Variants in KIF13A observed in about 807,000 individuals in gnomAD.
The protein encoded by KIF13A is kinesin family member 13A.
Under a neutral mutation model 212.2 loss-of-function variants are expected in KIF13A, and 79 were observed. The observed-to-expected ratio is 0.37, with a 90% confidence interval of 0.31 to 0.45. The LOEUF is 0.45. Among genes scored for constraint, KIF13A ranks in the 20% least tolerant of loss-of-function variants. The pLI is 1.00. For missense variants in KIF13A, 1,901 were observed against 2,209.0 expected (o/e 0.86, Z 2.79); for synonymous variants, 789 against 808.6 (o/e 0.98, Z 0.41).
chr6:17,838,584 A>T lies in KIF13A; in HGVS notation c.831-1001T>A, dbSNP rs1027636436. 1.3e-5 allele frequency among the ~76,000 whole-genome samples: 2 copies of T among 152,228 alleles called. No homozygotes were observed. The highest frequency in any genetic ancestry group is 4.8e-5 in the African/African-American group (2 of 41,456). On this transcript the variant is annotated intron_variant, in intron 9 of 38. Coordinates refer to ENST00000259711, the MANE Select transcript of KIF13A (RefSeq NM_022113.6). The surrounding 1 kb of genome is among the most constrained non-coding windows in gnomAD (Gnocchi z 4.2). ...GGCTGTTAGAATTTTAATAACAGCC[A>T]TTACCACAGAGTGGCATAAATATGT...
intron 17 of KIF13A, among the ~76,000 whole-genome samples, chr6:17,810,707 T>C (rs1303373214): frequency 6.6e-6 from 1 of 152,192 alleles, no homozygotes; most frequent in Non-Finnish European, 1.5e-5. Flanking sequence ...TCTGGGGGTG[T>C]TGGTAGACAG....
chr6:17,849,357 T>G lies in KIF13A; in HGVS notation c.830+20A>C, dbSNP rs778125888. ...TCCAGAAGGAAATCACCCAGGCTGTTCTGGGACCAGCCACCTTACTTGTTA... is the reference window on the plus strand; with the variant it reads ...TCCAGAAGGAAATCACCCAGGCTGTGCTGGGACCAGCCACCTTACTTGTTA... On this transcript the variant is annotated intron_variant, in intron 9 of 38. Coordinates refer to ENST00000259711, the MANE Select transcript of KIF13A (RefSeq NM_022113.6). This position sits in a 1 kb window ranked among gnomAD's most constrained non-coding sequence, Gnocchi z 5.7. The G allele has an allele frequency of 6.4e-7, 1 of 1,566,482 alleles. No homozygotes were observed. Among genetic ancestry groups the G allele is most frequent in the Admixed American group, 1.7e-5 (1 of 58,784 alleles).
At chr6:17,936,833 C>T (rs545703883) in intron 2 of KIF13A, among the ~76,000 whole-genome samples, 1 of 152,188 alleles carries the variant, frequency 6.6e-6, no homozygotes, top group African/African-American at 2.4e-5. Context: ...AGTGTGTTTG[C>T]ATTCCTTTGA....
chr6:17,987,063 T>A lies in KIF13A; in HGVS notation c.137A>T (p.Gln46Leu). The change falls in exon 2 of 39, where the codon CAG becomes CTG. Residue 46 changes from glutamine to leucine, a missense_variant. Transcript: ENST00000259711. The surrounding 1 kb of genome is among the most constrained non-coding windows in gnomAD (Gnocchi z 7.7). ...TCGGAACCCGCTTTACCTTTCTCCC[T>A]GTTTGGTGTTAGAAGGAGGAGGGTG... ...VLHPPPSNTK[Q>L]GERKPPKVFA... is the part of the protein sequence containing the mutation. 5 of 1,612,652 alleles carry A rather than the reference T, an allele frequency of 3.1e-6. No homozygotes were observed. The highest frequency in any genetic ancestry group is 2.2e-5 in the South Asian group (2 of 91,038).
At chr6:17,884,643 T>C (rs1177569181) in intron 3 of KIF13A, among the ~76,000 whole-genome samples, 1 of 152,222 alleles carries the variant, frequency 6.6e-6, no homozygotes, top group Non-Finnish European at 1.5e-5. Context: ...CGCCCAAATC[T>C]AAAATCAAAA....
At position 17,877,949 on chromosome 6, in the gene KIF13A, C is replaced by T. The variant is rs112840066; in HGVS notation, c.160-4512G>A. 5.8e-3 allele frequency among the ~76,000 whole-genome samples: 887 copies of T among 152,324 alleles called. 6 individuals carry two copies. Among genetic ancestry groups the T allele is most frequent in the African/African-American group, 0.02 (841 of 41,566 alleles). On this transcript the variant is annotated intron_variant, in intron 3 of 38. Transcript: ENST00000259711. Reference sequence around the variant, plus strand: ...ATTCATTAATTCACTTATCCATTCACAAATATTTATTGAGTACCTATTGTG... The same window carrying T: ...ATTCATTAATTCACTTATCCATTCATAAATATTTATTGAGTACCTATTGTG...
intron 2 of KIF13A, among the ~76,000 whole-genome samples, chr6:17,958,799 A>G (rs1778561530): frequency 6.6e-6 from 1 of 151,778 alleles, no homozygotes; most frequent in Non-Finnish European, 1.5e-5. Context: ...ATTTTCATCT[A>G]CTACTTATTC....
chr6:17,772,175 C>G lies in KIF13A; in HGVS notation c.4325-116G>C, dbSNP rs1475229570. 1 of 982,056 alleles carries G rather than the reference C, an allele frequency of 1.0e-6. No homozygotes were observed. The highest frequency in any genetic ancestry group is 1.5e-6 in the Non-Finnish European group (1 of 657,098). 60.8% of individuals were successfully genotyped at this position (982,056 alleles called of 1,614,324 possible). A position where few individuals can be genotyped will look rare whatever the true frequency, so the allele number is the denominator to read the frequency against. On this transcript the variant is annotated intron_variant, in intron 36 of 38. Coordinates refer to ENST00000259711, the MANE Select transcript of KIF13A (RefSeq NM_022113.6). The surrounding 1 kb of genome is among the most constrained non-coding windows in gnomAD (Gnocchi z 4.8). ...CTGGGAGAACAATGAAATTCATAGG[C>G]TAATATTTGGCTAAGCATTAAAACA...
rs778505082 is a variant in KIF13A, at chr6:17,771,227, G to C, written c.4477-9C>G. ...TGAGGTGGAGGCATGCTCTGCAAAGGTTAAGACACACAGATGCATCACACA... is the reference window on the plus strand; with the variant it reads ...TGAGGTGGAGGCATGCTCTGCAAAGCTTAAGACACACAGATGCATCACACA... On this transcript the variant is annotated splice_polypyrimidine_tract_variant and intron_variant, in intron 37 of 38. Transcript: ENST00000259711. This position sits in a 1 kb window ranked among gnomAD's most constrained non-coding sequence, Gnocchi z 5.4. 5 of 1,593,270 alleles carry C rather than the reference G, an allele frequency of 3.1e-6. No homozygotes were observed. Among genetic ancestry groups the C allele is most frequent in the Non-Finnish European group, 4.3e-6 (5 of 1,163,302 alleles).
chr6:17,964,982 C>T (rs1779173668), intron 2 of KIF13A, among the ~76,000 whole-genome samples: 1 of 151,988 alleles, frequency 6.6e-6, no homozygotes, highest in South Asian at 2.1e-4. Flanking sequence ...CCACCACACC[C>T]AGCTAATTTT....
chr6:17,877,760 C>T lies in KIF13A; in HGVS notation c.160-4323G>A, dbSNP rs551081364. Among the ~76,000 whole-genome samples, 258 of 151,602 alleles carry T rather than the reference C, an allele frequency of 1.7e-3. 1 individual carries two copies. The highest frequency in any genetic ancestry group is 3.9e-3 in the African/African-American group (163 of 41,342). ...ATCCATGGTGAATTTCAGTGACATG[C>T]GTCATCCTAAATATTAAGAAAAAAA... On this transcript the variant is annotated intron_variant, in intron 3 of 38. Transcript: ENST00000259711.
At chr6:17,936,083 G>C (rs1418946378) in intron 2 of KIF13A, among the ~76,000 whole-genome samples, 1 of 152,144 alleles carries the variant, frequency 6.6e-6, no homozygotes, top group Non-Finnish European at 1.5e-5. Context: ...CAAAGTCCAG[G>C]TTAATTTGAC....
intron 18 of KIF13A, among the ~76,000 whole-genome samples, chr6:17,805,962 C>G (rs1762910023): frequency 6.8e-6 from 1 of 148,100 alleles, no homozygotes; most frequent in African/African-American, 2.5e-5. Context: ...CTCTATCATC[C>G]AAGCTGCAGT....
At chr6:17,937,406 C>T (rs1776560269) in intron 2 of KIF13A, among the ~76,000 whole-genome samples, 2 of 152,130 alleles carry the variant, frequency 1.3e-5, no homozygotes, top group Non-Finnish European at 2.9e-5. Context: ...TGTTTTAGTC[C>T]TTCGACCTTA....
At position 17,959,999 on chromosome 6, in the gene KIF13A, G is replaced by A. The variant is rs1478866447; in HGVS notation, c.146+27055C>T. On this transcript the variant is annotated intron_variant, in intron 2 of 38. Transcript: ENST00000259711. Reference sequence around the variant, plus strand: ...ATCGCGCCATTCCACTCAAGCCTGGGCAATAAGAGCAAAACTCCACCTCAA... The same window carrying A: ...ATCGCGCCATTCCACTCAAGCCTGGACAATAAGAGCAAAACTCCACCTCAA... Among the ~76,000 whole-genome samples, 3 of 150,484 alleles carry A rather than the reference G, an allele frequency of 2.0e-5. No individual in the cohort carries two copies. The East Asian group carries it at 5.9e-4, about 29-fold the overall frequency.
At chr6:17,930,312 AT>A (rs1775881439) in intron 2 of KIF13A, among the ~76,000 whole-genome samples, 1 of 152,222 alleles carries the variant, frequency 6.6e-6, no homozygotes, top group African/African-American at 2.4e-5. Context: ...CACCATGAGA[AT>A]GTATAAGGGA....
chr6:17,840,817 T>C (rs1172104062), intron 9 of KIF13A, among the ~76,000 whole-genome samples: 2 of 152,208 alleles, frequency 1.3e-5, no homozygotes, highest in African/African-American at 4.8e-5. Flanking sequence ...TATGGATTAT[T>C]TTAAGCTAGA....
Position 17,951,437 on chromosome 6 carries a change from T to TAA in KIF13A, c.146+35615_146+35616dup, listed in dbSNP as rs112683346. ...TGAGCCACTGTGACCAGCCTCAATT[T>TAA]AAAAAAAAAAAAAAAACAGCTTTAA... On this transcript the variant is annotated intron_variant, in intron 2 of 38. Transcript: ENST00000259711. This position sits in a 1 kb window ranked among gnomAD's most constrained non-coding sequence, Gnocchi z 4.9. 1.5e-3 allele frequency: 691 copies of TAA among 476,302 alleles called. No individual in the cohort carries two copies. The highest frequency in any genetic ancestry group is 3.8e-3 in the South Asian group (125 of 32,480). The allele number at this position is 476,302 out of a possible 1,614,324, so 29.5% of individuals were successfully genotyped here.
At chr6:17,847,937 G>A (rs540682744) in intron 9 of KIF13A, among the ~76,000 whole-genome samples, 7 of 151,824 alleles carry the variant, frequency 4.6e-5, no homozygotes, top group African/African-American at 1.4e-4. Context: ...TCAGCCTCCC[G>A]AGTAGCTGGG....
Sources: gnomAD v4.1 joint callset for allele counts (sites outside exome capture counted in the v4.1 genomes callset) on GRCh38, gnomAD v4.1.1 for gene constraint, Gnocchi (gnomAD v3.1) non-coding constraint, MANE v1.5 for transcripts, NCBI Gene and HGNC (gene_info 2026-07-23, HGNC 2026-07-21) for gene names.